DIP2C: variants seen among roughly 807,000 people sequenced by gnomAD.
DIP2C encodes DIP2 acetate--CoA ligase C (putative).
Under a neutral mutation model 192.4 loss-of-function variants are expected in DIP2C, and 33 were observed. The observed-to-expected ratio is 0.17, with a 90% CI of 0.13 to 0.23. The LOEUF (loss-of-function observed/expected upper bound fraction) is 0.23. DIP2C is among the 10% of genes least tolerant of loss of function. DIP2C has a pLI of 1.00. For synonymous variants in DIP2C, 979 were observed against 864.1 expected (o/e 1.13, Z -2.33); for missense variants, 1,537 against 2,110.1 (o/e 0.73, Z 5.32).
chr10:539,612 CTT>C (rs1201518554), intron 1 of DIP2C, among the ~76,000 whole-genome samples: 15 of 152,196 alleles, frequency 9.9e-5, no homozygotes, highest in Admixed American at 8.5e-4. Flanking sequence ...TAAATCTAAT[CTT>C]TTGTTAAGAA....
chr10:446,114 G>A (rs1968178530), intron 3 of DIP2C, among the ~76,000 whole-genome samples: 1 of 152,000 alleles, frequency 6.6e-6, no homozygotes, highest in Admixed American at 6.5e-5. Flanking sequence ...GGTCCACTGG[G>A]CAACTGTATA....
intron 9 of DIP2C, among the ~76,000 whole-genome samples, chr10:401,349 G>A (rs1427106804): frequency 6.6e-6 from 1 of 151,788 alleles, no homozygotes; most frequent in Admixed American, 6.6e-5. Flanking sequence ...GATTTTACAT[G>A]TGTGGTAGCA....
chr10:363,406 G>T lies in DIP2C; in HGVS notation c.2478-95C>A. Reference sequence around the variant, plus strand: ...GGCTCCATAACCATCACTAGTGAGTGACACAGCTCCAACTACGACTTCAAA... The same window carrying T: ...GGCTCCATAACCATCACTAGTGAGTTACACAGCTCCAACTACGACTTCAAA... On this transcript the variant is annotated intron_variant, in intron 20 of 36. Transcript: ENST00000280886. The surrounding 1 kb of genome is among the most constrained non-coding windows in gnomAD (Gnocchi z 5.4). 3 of 1,015,848 alleles carry T rather than the reference G, an allele frequency of 3.0e-6. No homozygotes were observed. The highest frequency in any genetic ancestry group is 1.4e-5 in the South Asian group (1 of 71,492). 62.9% of individuals were successfully genotyped at this position (1,015,848 alleles called of 1,614,324 possible). A position where few individuals can be genotyped will look rare whatever the true frequency, so the allele number is the denominator to read the frequency against.
chr10:570,961 G>T (rs550848483), intron 1 of DIP2C, among the ~76,000 whole-genome samples: 1 of 152,300 alleles, frequency 6.6e-6, no homozygotes, highest in Non-Finnish European at 1.5e-5. Context: ...TCCAGCGCAC[G>T]ACTCCCACCG....
intron 1 of DIP2C, among the ~76,000 whole-genome samples, chr10:550,864 GAGA>G (rs1407741046): frequency 2.6e-5 from 4 of 152,252 alleles, no homozygotes; most frequent in Admixed American, 2.0e-4. Flanking sequence ...GGCCGGGACT[GAGA>G]AGGTCAGCAC....
chr10:477,879 CGA>C (rs1009060644), intron 2 of DIP2C, among the ~76,000 whole-genome samples: 4 of 89,524 alleles, frequency 4.5e-5, no homozygotes, highest in Middle Eastern at 8.3e-3. Flanking sequence ...GAGAAGAAAA[CGA>C]GAGAGAAGAA....
At chr10:382,149 CCTACT>C (rs1035777420) in intron 17 of DIP2C, among the ~76,000 whole-genome samples, 55 of 152,316 alleles carry the variant, frequency 3.6e-4, no homozygotes, top group African/African-American at 1.1e-3. Context: ...TCTGAATTTA[CCTACT>C]TTAAATTTCA....
intron 6 of DIP2C, among the ~76,000 whole-genome samples, chr10:417,653 C>T (rs754982536): frequency 0.32 from 2,436 of 7,542 alleles, 153 homozygotes; most frequent in Non-Finnish European, 0.41. Context: ...CCTCCCTGTC[C>T]ACCTGTTCCT....
intron 1 of DIP2C, among the ~76,000 whole-genome samples, chr10:634,433 C>A (rs1470861979): frequency 6.6e-6 from 1 of 152,246 alleles, no homozygotes; most frequent in Non-Finnish European, 1.5e-5. Context: ...GAGGTGGTTT[C>A]AGGTTGCTAT....
intron 31 of DIP2C, among the ~76,000 whole-genome samples, chr10:323,638 GATTA>G (rs1471007673): frequency 6.6e-6 from 1 of 152,214 alleles, no homozygotes; most frequent in Admixed American, 6.5e-5. Flanking sequence ...TACATCAAAT[GATTA>G]ATTGTGATTA....
chr10:323,682 T>C (rs1046005756), intron 31 of DIP2C, among the ~76,000 whole-genome samples: 6 of 152,370 alleles, frequency 3.9e-5, no homozygotes, highest in African/African-American at 1.2e-4. Context: ...ATGACTGTTA[T>C]TTATAAGCTA....
chr10:433,743 G>A (rs1356625325), intron 4 of DIP2C, among the ~76,000 whole-genome samples: 1 of 151,866 alleles, frequency 6.6e-6, no homozygotes, highest in Non-Finnish European at 1.5e-5. Flanking sequence ...CTTTACTCTT[G>A]ATCTATATAT....
At chr10:604,739 G>A (rs973397435) in intron 1 of DIP2C, among the ~76,000 whole-genome samples, 5 of 152,094 alleles carry the variant, frequency 3.3e-5, no homozygotes, top group Admixed American at 3.3e-4. Context: ...AAACTAAATG[G>A]GTATATTAAA....
At chr10:657,996 A>C (rs1388758941) in intron 1 of DIP2C, among the ~76,000 whole-genome samples, 105 of 48,638 alleles carry the variant, frequency 2.2e-3, no homozygotes, top group East Asian at 9.5e-3. Context: ...TGGACCTGCC[A>C]CTGGACCTGA....
chr10:553,171 G>T (rs1207190223), intron 1 of DIP2C, among the ~76,000 whole-genome samples: 1 of 152,192 alleles, frequency 6.6e-6, no homozygotes, highest in East Asian at 1.9e-4. Flanking sequence ...ATGGGCACTG[G>T]GGCCCAGGAA....
intron 1 of DIP2C, among the ~76,000 whole-genome samples, chr10:593,115 A>T (rs1225618031): frequency 6.6e-6 from 1 of 152,060 alleles, no homozygotes. Context: ...CCCAGCACTG[A>T]GAGGCAGTCC....
intron 1 of DIP2C, among the ~76,000 whole-genome samples, chr10:593,239 C>A (rs1017300158): frequency 1.3e-5 from 2 of 152,084 alleles, no homozygotes; most frequent in Non-Finnish European, 2.9e-5. Flanking sequence ...GTGGTCTCAT[C>A]GTCATCTGGG....
intron 32 of DIP2C, among the ~76,000 whole-genome samples, chr10:293,601 C>G (rs923035399): frequency 1.3e-5 from 2 of 152,224 alleles, no homozygotes; most frequent in Admixed American, 6.5e-5. Context: ...TGAGTCTAGT[C>G]TGCAGCTTCC....
intron 1 of DIP2C, among the ~76,000 whole-genome samples, chr10:602,578 G>T (rs1449056382): frequency 6.6e-6 from 1 of 152,176 alleles, no homozygotes; most frequent in Non-Finnish European, 1.5e-5. Flanking sequence ...CCGTCTGTGA[G>T]CAACAGGTCC....
Sources: gnomAD v4.1 joint callset for allele counts (sites outside exome capture counted in the v4.1 genomes callset) on GRCh38, gnomAD v4.1.1 for gene constraint, Gnocchi (gnomAD v3.1) non-coding constraint, MANE v1.5 for transcripts, NCBI Gene and HGNC (gene_info 2026-07-23, HGNC 2026-07-21) for gene names.